The following TLE1 variants were observed in gnomAD, a reference collection of about 807,000 sequenced individuals.
TLE1 encodes TLE family member 1, transcriptional corepressor.
TLE1 carries 21 observed loss-of-function variants against 89.8 expected under a neutral mutation model. That is an observed-to-expected ratio of 0.23 (90% CI 0.17 to 0.34). The LOEUF (loss-of-function observed/expected upper bound fraction) is 0.34, where lower values mean the gene tolerates loss of function less well. TLE1 is among the 10% of genes least tolerant of loss of function. The pLI is 1.00. For synonymous variants in TLE1, 447 were observed against 407.6 expected, an observed-to-expected ratio of 1.10 and a Z score of -1.16; for missense variants, 795 against 1,031.2, an observed-to-expected ratio of 0.77 and a Z score of 3.14.
Position 81,616,081 on chromosome 9 carries a change from G to C in TLE1, c.819C>G (p.Ile273Met). Residue 273 changes from isoleucine (I) to methionine (M), a missense_variant, in exon 11 of 20, where the codon ATC becomes ATG. Ile to Met is a conservative substitution (Grantham distance 10, BLOSUM62 1). This residue lies in a region of TLE1 where 468 missense variants were observed against 509.1 expected (regional missense o/e 0.92). Coordinates refer to ENST00000376499, the MANE Select transcript of TLE1 (RefSeq NM_005077.5). Reference sequence around the variant, plus strand: ...CCTTCTTTAGCAGGCGATTTTTGTCGATTCCATTTTCCCGGGGCGAGTGGG... The same window carrying C: ...CCTTCTTTAGCAGGCGATTTTTGTCCATTCCATTTTCCCGGGGCGAGTGGG... ...SPAHSPRENGIDKNRLLKKDA... is the reference protein window; with the variant it reads ...SPAHSPRENGMDKNRLLKKDA... 3.1e-6 allele frequency: 5 copies of C among 1,614,082 alleles called. No homozygotes were observed. The highest frequency in any genetic ancestry group is 4.2e-6 in the Non-Finnish European group (5 of 1,180,010).
At chr9:81,652,813 C>G (rs775215814) in intron 5 of TLE1, among the ~76,000 whole-genome samples, 2 of 152,064 alleles carry the variant, frequency 1.3e-5, no homozygotes, top group East Asian at 3.9e-4. Flanking sequence ...CATTTTAATA[C>G]CTAAAACTTT....
At chr9:81,677,789 T>C (rs1412069634) in intron 4 of TLE1, among the ~76,000 whole-genome samples, 2 of 152,154 alleles carry the variant, frequency 1.3e-5, no homozygotes, top group Non-Finnish European at 2.9e-5. Flanking sequence ...CAAAGACTGA[T>C]TCCACTTCAT....
chr9:81,613,608 G>A (rs1587967106), intron 11 of TLE1, 87 bp from the exon 12 acceptor site: 3 of 1,460,074 alleles, frequency 2.1e-6, no homozygotes, highest in East Asian at 2.3e-5. Context: ...GGGACACTGG[G>A]CACCTTCTAG....
chr9:81,611,718 G>A, intron 13 of TLE1, 51 bp downstream of exon 13: 1 of 1,409,090 alleles, frequency 7.1e-7, no homozygotes, highest in Admixed American at 3.7e-5. Context: ...AGCGCTCAAT[G>A]GAGCATGCAG....
intron 17 of TLE1, among the ~76,000 whole-genome samples, 169 bp downstream of exon 17, chr9:81,587,512 G>A (rs78117441): frequency 0.029 from 4,451 of 152,268 alleles, 93 homozygotes; most frequent in Non-Finnish European, 0.041. Flanking sequence ...GGGGAGGGTC[G>A]TGAAGGAGGA....
At chr9:81,668,008 AC>A (rs1831707273) in intron 4 of TLE1, among the ~76,000 whole-genome samples, 1 of 152,046 alleles carries the variant, frequency 6.6e-6, no homozygotes, top group African/African-American at 2.4e-5. Context: ...TATTAAAATT[AC>A]AAAAATTAGC....
At chr9:81,684,451 G>A (rs2133159428) in intron 4 of TLE1, among the ~76,000 whole-genome samples, 1 of 152,256 alleles carries the variant, frequency 6.6e-6, no homozygotes, top group East Asian at 1.9e-4. Context: ...CAGATCTAAT[G>A]TACACGATAA....
At chr9:81,591,165 C>CT (rs1461922052) in intron 15 of TLE1, 113 bp from the exon 16 acceptor site, 6 of 1,390,650 alleles carry the variant, frequency 4.3e-6, no homozygotes, top group East Asian at 2.3e-5. Flanking sequence ...CATGGACACT[C>CT]TAACAGAGCA....
chr9:81,684,399 G>A (rs1322114606), intron 4 of TLE1, among the ~76,000 whole-genome samples: 1 of 151,810 alleles, frequency 6.6e-6, no homozygotes, highest in Non-Finnish European at 1.5e-5. Context: ...TTAATAAAAG[G>A]CCCTGAAAAT....
At chr9:81,627,815 C>G (rs1396157536) in intron 8 of TLE1, among the ~76,000 whole-genome samples, 1 of 152,148 alleles carries the variant, frequency 6.6e-6, no homozygotes, top group African/African-American at 2.4e-5. Flanking sequence ...TAATAAGCAG[C>G]TGAGATCAGT....
At chr9:81,644,943 G>C (rs1369125906) in intron 6 of TLE1, among the ~76,000 whole-genome samples, 1 of 134,416 alleles carries the variant, frequency 7.4e-6, no homozygotes, top group Non-Finnish European at 1.5e-5. Flanking sequence ...GCAGTGAGCC[G>C]ATATCGCACC....
intron 4 of TLE1, among the ~76,000 whole-genome samples, chr9:81,681,544 C>T (rs1021438412): frequency 4.1e-5 from 6 of 145,564 alleles, no homozygotes; most frequent in Non-Finnish European, 9.2e-5. Flanking sequence ...AACGAGATTC[C>T]GTCGCGCAAA....
rs1442635887 is a variant in TLE1, at chr9:81,585,527, C to G, written c.2106G>C (p.Leu702=). The G allele has an allele frequency of 6.2e-7, 1 of 1,613,756 alleles. No individual in the cohort carries two copies. Among genetic ancestry groups the G allele is most frequent in the Admixed American group, 1.7e-5 (1 of 59,990 alleles). The change falls in exon 18 of 20, where the codon CTG becomes CTC. Residue 702 remains leucine, a synonymous_variant. Transcript: ENST00000376499. ...CACCACAGTAAGCAAATTTCAGGGACAGCACGCAGCTCTCATGCAGGTGCA... is the reference window on the plus strand; with the variant it reads ...CACCACAGTAAGCAAATTTCAGGGAGAGCACGCAGCTCTCATGCAGGTGCA... ...YQLHLHESCV[L]SLKFAYCGKW...
At chr9:81,625,551 T>C (rs1036116908) in intron 8 of TLE1, among the ~76,000 whole-genome samples, 2 of 150,492 alleles carry the variant, frequency 1.3e-5, no homozygotes, top group African/African-American at 2.5e-5. Flanking sequence ...TATATTCTTT[T>C]AAAATAAAAC....
intron 4 of TLE1, among the ~76,000 whole-genome samples, chr9:81,683,809 G>C (rs1588267668): frequency 6.6e-6 from 1 of 152,094 alleles, no homozygotes; most frequent in South Asian, 2.1e-4. Flanking sequence ...CGGACAGACA[G>C]TATATAGCCA....
intron 5 of TLE1, among the ~76,000 whole-genome samples, chr9:81,653,310 A>T (rs1178404891): frequency 6.6e-6 from 1 of 152,176 alleles, no homozygotes; most frequent in Admixed American, 6.5e-5. Context: ...CACACTTAGA[A>T]CACGTTACAG....
chr9:81,604,965 A>C (rs2131981815), intron 14 of TLE1, among the ~76,000 whole-genome samples: 1 of 152,192 alleles, frequency 6.6e-6, no homozygotes, highest in African/African-American at 2.4e-5. Flanking sequence ...CACAAGTCAA[A>C]CCAGGATATT....
At chr9:81,651,046 T>TA (rs1309043069) in intron 6 of TLE1, among the ~76,000 whole-genome samples, 1 of 152,170 alleles carries the variant, frequency 6.6e-6, no homozygotes, top group Non-Finnish European at 1.5e-5. Context: ...GGATGTAATT[T>TA]TAAGCCCTGA....
chr9:81,673,260 C>A (rs189579995), intron 4 of TLE1, among the ~76,000 whole-genome samples: 1,428 of 108,830 alleles, frequency 0.013, 11 homozygotes, highest in Non-Finnish European at 0.019. Flanking sequence ...GGGACAAGAG[C>A]GAGACTTCAT....
Sources: gnomAD v4.1 joint callset for allele counts (sites outside exome capture counted in the v4.1 genomes callset) on GRCh38, gnomAD v4.1.1 for gene constraint, gnomAD v4.1.1 regional missense constraint, MANE v1.5 for transcripts, NCBI Gene and HGNC (gene_info 2026-07-23, HGNC 2026-07-21) for gene names.